The following GOLM2 variants were observed in gnomAD, a reference collection of about 807,000 sequenced individuals.
The protein encoded by GOLM2 is protein GOLM2.
GOLM2 carries 26 observed loss-of-function variants against 55.9 expected under a neutral mutation model. The observed-to-expected ratio is 0.47, with a 90% CI of 0.34 to 0.65. GOLM2 has a LOEUF of 0.65. GOLM2 is among the 30% of genes least tolerant of loss of function. The pLI is 0.01. For missense variants in GOLM2, 486 were observed against 531.8 expected, an observed-to-expected ratio of 0.91 and a Z score of 0.85; for synonymous variants, 165 against 194.6, an observed-to-expected ratio of 0.85 and a Z score of 1.27.
intron 8 of GOLM2, among the ~76,000 whole-genome samples, chr15:44,396,243 A>G (rs2079526025): frequency 6.6e-6 from 1 of 152,090 alleles, no homozygotes; most frequent in Non-Finnish European, 1.5e-5. Context: ...CTGTAATCCC[A>G]GCTACTGGAG....
chr15:44,367,571 G>A (rs765167327), intron 6 of GOLM2, among the ~76,000 whole-genome samples: 2 of 152,044 alleles, frequency 1.3e-5, no homozygotes, highest in African/African-American at 2.4e-5. Flanking sequence ...TGAGGTGGGT[G>A]GATCATGAGG....
chr15:44,304,709 C>T (rs1248109961), intron 1 of GOLM2, among the ~76,000 whole-genome samples: 2 of 152,146 alleles, frequency 1.3e-5, no homozygotes, highest in East Asian at 1.9e-4. Flanking sequence ...TGAGCCATCA[C>T]TCCTGGCTAA....
Position 44,304,230 on chromosome 15 carries a change from C to CTTCTTTTTTTTTTT in GOLM2, c.327+14876_327+14877insCTTTTTTTTTTTTT, listed in dbSNP as rs1301281420. Among the ~76,000 whole-genome samples, 11 of 82,872 alleles carry CTTCTTTTTTTTTTT rather than the reference C, an allele frequency of 1.3e-4. 1 individual carries two copies. The highest frequency in any genetic ancestry group is 8.7e-4 in the East Asian group (2 of 2,312). 54.4% of individuals were successfully genotyped at this position (82,872 alleles called of 152,430 possible). On this transcript the variant is annotated intron_variant, in intron 1 of 9. Transcript: ENST00000299957. ...TCAGTCACGTCTTCAGGCTCCACTT[C>CTTCTTTTTTTTTTT]TTTTTTTTTTTTTTTTTTTTTTTTT...
intron 1 of GOLM2, among the ~76,000 whole-genome samples, chr15:44,318,768 G>T (rs2078929659): frequency 6.6e-6 from 1 of 151,526 alleles, no homozygotes; most frequent in Non-Finnish European, 1.5e-5. Context: ...GAACTTTAAA[G>T]ATTGACCATA....
At chr15:44,327,271 A>G (rs1329697958) in intron 2 of GOLM2, among the ~76,000 whole-genome samples, 1 of 151,356 alleles carries the variant, frequency 6.6e-6, no homozygotes, top group Non-Finnish European at 1.5e-5. Flanking sequence ...CTTTTTAAAA[A>G]CAGCCAGGCA....
In GOLM2 at chr15:44,402,915, T is replaced by A; in HGVS notation, c.1101T>A (p.Pro367=). 1 of 1,614,064 alleles carries A rather than the reference T, an allele frequency of 6.2e-7. No homozygotes were observed. Among genetic ancestry groups the A allele is most frequent in the Non-Finnish European group, 8.5e-7 (1 of 1,180,012 alleles). Residue 367 remains proline, a synonymous_variant, in exon 9 of 10, where the codon CCT becomes CCA. Coordinates refer to ENST00000299957, the MANE Select transcript of GOLM2 (RefSeq NM_138423.4). ...GATTCTTTGATGAAAATGAATCCCC[T>A]GTTGATCCGCAGCATGGCTCTAAAC... ...QSRFFDENES[P]VDPQHGSKLA... is the part of the protein sequence containing the mutation.
intron 6 of GOLM2, among the ~76,000 whole-genome samples, chr15:44,368,327 C>CTTTT (rs1567036912): frequency 2.3e-4 from 28 of 121,446 alleles, no homozygotes; most frequent in African/African-American, 8.0e-4. Flanking sequence ...TTTTTTTGTA[C>CTTTT]TTTTATTAGA....
chr15:44,380,732 C>A, intron 7 of GOLM2, 74 bp from the exon 8 acceptor site: 2 of 1,086,560 alleles, frequency 1.8e-6, no homozygotes, highest in Non-Finnish European at 2.4e-6. Flanking sequence ...CTTTCTAAAG[C>A]AGATCTTGTG....
intron 6 of GOLM2, chr15:44,346,199 G>A (rs2079123445): frequency 6.6e-6 from 1 of 151,984 alleles, no homozygotes; most frequent in Non-Finnish European, 1.5e-5. Context: ...CGCAGCACCT[G>A]GCCAGGCTTT....
At chr15:44,377,047 A>G (rs1448682750) in intron 6 of GOLM2, among the ~76,000 whole-genome samples, 1 of 152,130 alleles carries the variant, frequency 6.6e-6, no homozygotes, top group East Asian at 1.9e-4. Flanking sequence ...CTATCCACCA[A>G]CTAGTTAAGT....
chr15:44,377,602 G>C (rs1299906613), intron 6 of GOLM2, among the ~76,000 whole-genome samples: 1 of 151,926 alleles, frequency 6.6e-6, no homozygotes, highest in Non-Finnish European at 1.5e-5. Context: ...TCAAACTTCT[G>C]GCCACAAGTG....
chr15:44,314,575 AT>A (rs919549162), intron 1 of GOLM2, among the ~76,000 whole-genome samples: 6 of 151,856 alleles, frequency 4.0e-5, no homozygotes, highest in Admixed American at 2.6e-4. Context: ...AAAAAAAAAA[AT>A]GTAACTGATA....
chr15:44,349,347 G>C (rs937011496), intron 6 of GOLM2, among the ~76,000 whole-genome samples: 1 of 151,068 alleles, frequency 6.6e-6, no homozygotes. Flanking sequence ...AAAAAGAGCA[G>C]AAGTAGCTAT....
chr15:44,399,421 G>GT (rs1186698601), intron 8 of GOLM2, among the ~76,000 whole-genome samples: 1 of 152,136 alleles, frequency 6.6e-6, no homozygotes, highest in East Asian at 1.9e-4. Flanking sequence ...ACAGATCACT[G>GT]TTTAACAAAG....
Position 44,337,764 on chromosome 15 carries a change from A to T in GOLM2, c.578A>T (p.Gln193Leu). The T allele has an allele frequency of 4.5e-6, 7 of 1,568,902 alleles. No homozygotes were observed. Among genetic ancestry groups the T allele is most frequent in the Non-Finnish European group, 6.0e-6 (7 of 1,166,712 alleles). The change falls in exon 5 of 10, where the codon CAA (glutamine) becomes CTA (leucine). Residue 193 changes from glutamine (Q) to leucine (L), a missense_variant and splice_region_variant. Transcript: ENST00000299957. The stretch of plus-strand genomic sequence containing the variant: ...TTATTACCAAATTTTGTCTAACAGC[A>T]AGAGACCCAAAAGATTCAATCAAAT... ...LADQFLEEQK[Q>L]ETQKIQSNDG...
intron 8 of GOLM2, among the ~76,000 whole-genome samples, chr15:44,400,574 CTTTTT>C (rs59386038): frequency 3.6e-5 from 4 of 111,014 alleles, no homozygotes; most frequent in Admixed American, 8.9e-5. Flanking sequence ...GCCTTGCCGC[CTTTTT>C]TTTTTTTTTT....
At chr15:44,317,881 C>CAT (rs1204314528) in intron 1 of GOLM2, among the ~76,000 whole-genome samples, 1 of 152,168 alleles carries the variant, frequency 6.6e-6, no homozygotes, top group African/African-American at 2.4e-5. Context: ...ATCTAAGCAT[C>CAT]ATACTTGATG....
intron 6 of GOLM2, among the ~76,000 whole-genome samples, chr15:44,339,056 G>A (rs2079075118): frequency 6.6e-6 from 1 of 152,020 alleles, no homozygotes; most frequent in Non-Finnish European, 1.5e-5. Context: ...TACTGCTTTT[G>A]GCTGATTTTA....
chr15:44,408,124 G>A (rs1458079468), intron 9 of GOLM2, among the ~76,000 whole-genome samples: 2 of 152,124 alleles, frequency 1.3e-5, no homozygotes, highest in African/African-American at 4.8e-5. Flanking sequence ...ATAAACTATG[G>A]ATATCTTTAA....
Sources: gnomAD v4.1 joint callset for allele counts (sites outside exome capture counted in the v4.1 genomes callset) on GRCh38, gnomAD v4.1.1 for gene constraint, MANE v1.5 for transcripts, NCBI Gene and HGNC (gene_info 2026-07-23, HGNC 2026-07-21) for gene names.